The following MRPL22 variants were observed in gnomAD, a reference collection of about 807,000 sequenced individuals.
MRPL22 encodes mitochondrial ribosomal protein L22.
MRPL22 carries 27 observed loss-of-function variants against 32.4 expected under a neutral mutation model. That is an observed-to-expected ratio of 0.83 (90% CI 0.61 to 1.15). The LOEUF (loss-of-function observed/expected upper bound fraction) is 1.15. Ranked by LOEUF, MRPL22 falls within the 50% of genes most tolerant of loss-of-function variation. The pLI, the probability that MRPL22 is intolerant of heterozygous loss-of-function variation, is 0.00. For synonymous variants in MRPL22, 86 were observed against 87.3 expected (o/e 0.99, Z 0.08); for missense variants, 239 against 260.2 (o/e 0.92, Z 0.56).
chr5:154,966,582 C>T, intron 6 of MRPL22, 104 bp from the exon 7 acceptor site: 1 of 1,190,164 alleles, frequency 8.4e-7, no homozygotes, highest in East Asian at 2.4e-5. Context: ...CCAGTGAGCC[C>T]ATGTAATCTC....
intron 3 of MRPL22, chr5:154,955,514 C>T (rs1031136404): frequency 1.3e-5 from 2 of 152,230 alleles, no homozygotes; most frequent in Admixed American, 6.5e-5. Flanking sequence ...TCATACTTCT[C>T]TGTTCTTTGA....
chr5:154,961,957 G>T (rs1764711211), intron 6 of MRPL22, among the ~76,000 whole-genome samples: 1 of 152,154 alleles, frequency 6.6e-6, no homozygotes, highest in Non-Finnish European at 1.5e-5. Flanking sequence ...CAAAGTGTTA[G>T]GATTACGGGC....
chr5:154,963,744 T>C (rs1380642621), intron 6 of MRPL22, among the ~76,000 whole-genome samples: 1 of 152,182 alleles, frequency 6.6e-6, no homozygotes. Context: ...AGCATATGAT[T>C]TGGGACCAAA....
chr5:154,956,547 A>C (rs773488764), intron 4 of MRPL22, 111 bp downstream of exon 4: 8 of 684,508 alleles, frequency 1.2e-5, no homozygotes, highest in African/African-American at 1.8e-5. Flanking sequence ...TTTGTGAGGA[A>C]TGTGATATAA....
chr5:154,963,585 T>A (rs1410881979), intron 6 of MRPL22, among the ~76,000 whole-genome samples: 1 of 152,214 alleles, frequency 6.6e-6, no homozygotes, highest in Non-Finnish European at 1.5e-5. Flanking sequence ...GAGACCTCTG[T>A]ATTGAAAAAA....
At chr5:154,960,140 T>TC in intron 6 of MRPL22, 91 bp downstream of exon 6, 2 of 918,186 alleles carry the variant, frequency 2.2e-6, no homozygotes, top group Non-Finnish European at 3.4e-6. Context: ...ATCTAACTCC[T>TC]CAGGACTTGG....
chr5:154,946,145 A>G (rs1333522661), intron 2 of MRPL22, among the ~76,000 whole-genome samples: 1 of 152,210 alleles, frequency 6.6e-6, no homozygotes, highest in East Asian at 1.9e-4. Context: ...GTACTGTGCT[A>G]GGCGGGTACA....
chr5:154,941,380 C>A, intron 2 of MRPL22, 115 bp downstream of exon 2: 3 of 1,269,076 alleles, frequency 2.4e-6, no homozygotes, highest in South Asian at 1.4e-5. Flanking sequence ...GTTACTGAGG[C>A]GAATGAGACA....
intron 5 of MRPL22, among the ~76,000 whole-genome samples, chr5:154,957,653 A>T (rs1241779737): frequency 6.6e-6 from 1 of 151,998 alleles, no homozygotes; most frequent in Non-Finnish European, 1.5e-5. Flanking sequence ...TTTGTAACTA[A>T]ATGGAAAGAG....
Position 154,956,451 on chromosome 5 carries a change from C to T in MRPL22, c.261+15C>T, listed in dbSNP as rs775228031. 4 of 1,542,118 alleles carry T rather than the reference C, an allele frequency of 2.6e-6. No homozygotes were observed. The highest frequency in any genetic ancestry group is 3.6e-6 in the Non-Finnish European group (4 of 1,119,846). On this transcript the variant is annotated intron_variant, in intron 4 of 6. Transcript: ENST00000523037. ...TGGCAAAATTGGTAAGCTGCAATGA[C>T]TATTACCATATAATTAATAATTTAG...
At chr5:154,956,814 A>T (rs898602639) in intron 4 of MRPL22, 5 of 341,694 alleles carry the variant, frequency 1.5e-5, no homozygotes, top group African/African-American at 1.1e-4. Flanking sequence ...GCAAATATAC[A>T]TGTAATACAT....
intron 2 of MRPL22, among the ~76,000 whole-genome samples, chr5:154,943,926 G>C (rs1764454837): frequency 1.3e-5 from 2 of 152,018 alleles, no homozygotes; most frequent in African/African-American, 4.8e-5. Context: ...GTCTCCCAAA[G>C]TGCTGGGATT....
intron 2 of MRPL22, among the ~76,000 whole-genome samples, chr5:154,942,070 A>C (rs932975324): frequency 2.0e-5 from 3 of 152,124 alleles, no homozygotes; most frequent in Non-Finnish European, 4.4e-5. Flanking sequence ...TATGAGCGTT[A>C]TGTTAGTACC....
intron 6 of MRPL22, among the ~76,000 whole-genome samples, chr5:154,964,290 T>G (rs1004930749): frequency 6.6e-6 from 1 of 152,176 alleles, no homozygotes; most frequent in Non-Finnish European, 1.5e-5. Flanking sequence ...GTTGAGTGAA[T>G]GAATGGCAGA....
intron 5 of MRPL22, among the ~76,000 whole-genome samples, chr5:154,958,538 CTT>C (rs201113350): frequency 0.096 from 7,920 of 82,226 alleles, 102 homozygotes; most frequent in African/African-American, 0.16. Flanking sequence ...TGACAATTGT[CTT>C]TTTTTTTTTT....
chr5:154,950,120 C>T (rs1181208781), intron 2 of MRPL22, among the ~76,000 whole-genome samples: 1 of 152,160 alleles, frequency 6.6e-6, no homozygotes, highest in Admixed American at 6.5e-5. Context: ...GAAGGGGAAG[C>T]AGGCAACTTT....
chr5:154,957,552 A>G (rs1456209144), intron 5 of MRPL22, among the ~76,000 whole-genome samples: 2 of 151,958 alleles, frequency 1.3e-5, no homozygotes, highest in East Asian at 3.8e-4. Context: ...TGTGTATATA[A>G]TTTATTTCTT....
chr5:154,955,657 G>A (rs979818905), intron 3 of MRPL22: 1 of 152,168 alleles, frequency 6.6e-6, no homozygotes, highest in Non-Finnish European at 1.5e-5. Context: ...AGTGAAAAGT[G>A]CTTTTTGAAC....
At chr5:154,965,427 A>ATT (rs201797693) in intron 6 of MRPL22, among the ~76,000 whole-genome samples, 5 of 138,636 alleles carry the variant, frequency 3.6e-5, no homozygotes, top group Admixed American at 7.3e-5. Flanking sequence ...CTTATGTACT[A>ATT]TTTTTTTTTT....
Sources: allele counts gnomAD v4.1 joint callset (sites outside exome capture counted in the v4.1 genomes callset), GRCh38; gene constraint gnomAD v4.1.1; transcripts MANE v1.5; gene names NCBI Gene and HGNC (gene_info 2026-07-23, HGNC 2026-07-21).